Variants in GRID1 observed in about 807,000 individuals in gnomAD.
GRID1 encodes glutamate receptor ionotropic, delta-1.
A neutral mutation model predicts 98.0 loss-of-function variants in GRID1; 28 were observed. The observed-to-expected ratio is 0.29, with a 90% CI of 0.21 to 0.39. The LOEUF (loss-of-function observed/expected upper bound fraction) is 0.39, where lower values mean the gene tolerates loss of function less well. Ranked by LOEUF, GRID1 falls within the 10% of genes least tolerant of loss-of-function variation. The pLI is 1.00. For synonymous variants in GRID1, 553 were observed against 538.5 expected (o/e 1.03, Z -0.37); for missense variants, 1,111 against 1,340.5 (o/e 0.83, Z 2.67).
intron 8 of GRID1, among the ~76,000 whole-genome samples, chr10:85,771,356 C>T (rs1842265010): frequency 6.6e-6 from 1 of 152,146 alleles, no homozygotes; most frequent in Non-Finnish European, 1.5e-5. Flanking sequence ...CGGTACCAGC[C>T]ACTGCAAAAT....
intron 3 of GRID1, among the ~76,000 whole-genome samples, chr10:86,139,972 G>T (rs1844987996): frequency 6.6e-6 from 1 of 152,204 alleles, no homozygotes; most frequent in African/African-American, 2.4e-5. Flanking sequence ...GACATGCCCA[G>T]GAACAGAGGC....
chr10:85,751,758 A>C (rs923035243), intron 8 of GRID1, among the ~76,000 whole-genome samples: 1 of 152,202 alleles, frequency 6.6e-6, no homozygotes. Context: ...CAGATCCAAA[A>C]ATTAATGATT....
rs1845376169 is a variant in GRID1, at chr10:86,164,880, G to A, written c.521-25856C>T. On this transcript the variant is annotated intron_variant, in intron 3 of 15. Coordinates refer to ENST00000327946, the MANE Select transcript of GRID1 (RefSeq NM_017551.3). ...CTGGGGGCACATCAGCAGCATGGAG[G>A]AGGCAGCATGGGTGGTGATAAAGCA... Among the ~76,000 whole-genome samples, 4 of 152,206 alleles carry A rather than the reference G, an allele frequency of 2.6e-5. No individual in the cohort carries two copies. In the South Asian group the frequency reaches 6.2e-4, roughly 24 times the overall value.
intron 6 of GRID1, among the ~76,000 whole-genome samples, chr10:85,856,556 G>T (rs1160298012): frequency 6.6e-6 from 1 of 152,220 alleles, no homozygotes; most frequent in Non-Finnish European, 1.5e-5. Context: ...AGGATAAAGG[G>T]AGGGCACAGC....
At chr10:86,281,334 C>T (rs536639803) in intron 2 of GRID1, among the ~76,000 whole-genome samples, 1 of 152,322 alleles carries the variant, frequency 6.6e-6, no homozygotes, top group African/African-American at 2.4e-5. Flanking sequence ...AGGTGCACAG[C>T]AGAGCTGCAC....
At chr10:86,022,735 T>C (rs1379506485) in intron 4 of GRID1, among the ~76,000 whole-genome samples, 4 of 151,758 alleles carry the variant, frequency 2.6e-5, no homozygotes, top group Admixed American at 6.6e-5. Context: ...CTGGCCAACA[T>C]GGTGAAACCT....
At chr10:85,926,507 G>C (rs1194483830) in intron 4 of GRID1, among the ~76,000 whole-genome samples, 1 of 152,182 alleles carries the variant, frequency 6.6e-6, no homozygotes, top group African/African-American at 2.4e-5. Context: ...CAAGAGCTTA[G>C]TTTTTCCCCA....
chr10:86,218,331 T>G (rs113182929), intron 2 of GRID1, among the ~76,000 whole-genome samples: 8 of 152,218 alleles, frequency 5.3e-5, no homozygotes, highest in African/African-American at 1.7e-4. Context: ...CACCCTGCAT[T>G]TGGAAGCTGA....
chr10:86,132,162 C>G lies in GRID1; in HGVS notation c.726+6657G>C, dbSNP rs952608627. On this transcript the variant is annotated intron_variant, in intron 4 of 15. Transcript: ENST00000327946. Reference sequence around the variant, plus strand: ...CTGCAAGACCAGTGCTGGCTGACACCGGGACAGAGCTCACAGCAGCTTCCC... The same window carrying G: ...CTGCAAGACCAGTGCTGGCTGACACGGGGACAGAGCTCACAGCAGCTTCCC... Among the ~76,000 whole-genome samples the G allele has an allele frequency of 1.4e-4, 21 of 152,142 alleles. 1 individual carries two copies. Among genetic ancestry groups the G allele is most frequent in the Admixed American group, 1.4e-3 (21 of 15,278 alleles).
chr10:86,137,465 G>A (rs1490033842), intron 4 of GRID1, among the ~76,000 whole-genome samples: 1 of 152,172 alleles, frequency 6.6e-6, no homozygotes, highest in Non-Finnish European at 1.5e-5. Context: ...GAACGGGCAA[G>A]GAATTGGCAA....
At chr10:85,665,608 G>T (rs1326482351) in intron 12 of GRID1, among the ~76,000 whole-genome samples, 1 of 152,192 alleles carries the variant, frequency 6.6e-6, no homozygotes, top group Admixed American at 6.5e-5. Context: ...TTATGCAGAT[G>T]TGGTCTTAAA....
Position 86,001,878 on chromosome 10 carries a change from G to C in GRID1, c.727-85639C>G, listed in dbSNP as rs116159180. Among the ~76,000 whole-genome samples the C allele has an allele frequency of 8.7e-3, 1,330 of 152,236 alleles. 24 individuals carry two copies. The highest frequency in any genetic ancestry group is 0.03 in the African/African-American group (1,243 of 41,548). Reference sequence around the variant, plus strand: ...CTGAAGTCAAGGTGCCAGCAAGGCCGTGCTCCCTTCAAAGTCTCTAGGGAA... The same window carrying C: ...CTGAAGTCAAGGTGCCAGCAAGGCCCTGCTCCCTTCAAAGTCTCTAGGGAA... On this transcript the variant is annotated intron_variant, in intron 4 of 15. Coordinates refer to ENST00000327946, the MANE Select transcript of GRID1 (RefSeq NM_017551.3).
At chr10:85,874,408 AGTAT>A (rs1203478194) in intron 5 of GRID1, among the ~76,000 whole-genome samples, 20 of 152,300 alleles carry the variant, frequency 1.3e-4, no homozygotes, top group Non-Finnish European at 1.5e-5. Context: ...CAGTCTGGTA[AGTAT>A]GCATTGGAGC....
intron 14 of GRID1, among the ~76,000 whole-genome samples, chr10:85,617,492 C>T (rs1331921774): frequency 6.6e-6 from 1 of 152,084 alleles, no homozygotes. Context: ...CCTCAGCCTC[C>T]CAAAGTGCTG....
chr10:85,950,203 T>C (rs1484234541), intron 4 of GRID1, among the ~76,000 whole-genome samples: 1 of 152,206 alleles, frequency 6.6e-6, no homozygotes, highest in Non-Finnish European at 1.5e-5. Flanking sequence ...AACTAAAGTA[T>C]ATGCCTGAAG....
intron 8 of GRID1, among the ~76,000 whole-genome samples, chr10:85,762,787 G>A (rs1442282684): frequency 6.6e-6 from 1 of 152,218 alleles, no homozygotes; most frequent in South Asian, 2.1e-4. Flanking sequence ...AGTTTGGAGC[G>A]TGGGAAGAAG....
At chr10:85,847,602 G>T (rs1020446435) in intron 8 of GRID1, among the ~76,000 whole-genome samples, 1 of 152,132 alleles carries the variant, frequency 6.6e-6, no homozygotes, top group African/African-American at 2.4e-5. Context: ...ATAGGGAAAT[G>T]AAGGTCTGCT....
chr10:86,190,983 T>C (rs1318328843), intron 3 of GRID1, among the ~76,000 whole-genome samples: 4 of 152,164 alleles, frequency 2.6e-5, no homozygotes, highest in Non-Finnish European at 5.9e-5. Flanking sequence ...TGAACACACA[T>C]GCACATATTG....
At chr10:85,657,935 A>T (rs1411494035) in intron 12 of GRID1, among the ~76,000 whole-genome samples, 2 of 152,180 alleles carry the variant, frequency 1.3e-5, no homozygotes, top group Non-Finnish European at 2.9e-5. Flanking sequence ...CCTGCATGCC[A>T]AGAACATGGC....
Sources: allele counts gnomAD v4.1 joint callset (sites outside exome capture counted in the v4.1 genomes callset), GRCh38; gene constraint gnomAD v4.1.1; transcripts MANE v1.5; gene names NCBI Gene and HGNC (gene_info 2026-07-23, HGNC 2026-07-21).